Variants in UBN2 observed in about 807,000 individuals in gnomAD.
UBN2 encodes ubinuclein 2, also known as ubinuclein-2.
Under a neutral mutation model 120.2 loss-of-function variants are expected in UBN2, and 35 were observed. That is an observed-to-expected ratio of 0.29 (90% CI 0.22 to 0.39). UBN2 has a LOEUF of 0.39. Among genes scored for constraint, UBN2 ranks in the 10% least tolerant of loss-of-function variants. The pLI, the probability that UBN2 is intolerant of heterozygous loss-of-function variation, is 1.00. For missense variants in UBN2, 1,693 were observed against 1,663.2 expected (o/e 1.02, Z -0.31); for synonymous variants, 661 against 648.7 (o/e 1.02, Z -0.29).
intron 3 of UBN2, among the ~76,000 whole-genome samples, chr7:139,257,987 TG>T (rs1468265895): frequency 6.6e-6 from 1 of 152,158 alleles, no homozygotes; most frequent in Non-Finnish European, 1.5e-5. Context: ...TTGGCCAGGC[TG>T]GTCTCGAACT....
chr7:139,272,173 G>A, intron 8 of UBN2, 149 bp from the exon 9 acceptor site: 1 of 593,582 alleles, frequency 1.7e-6, no homozygotes, highest in Non-Finnish European at 2.9e-6. Flanking sequence ...GGAAAAGTCA[G>A]TGCTGTAGAA....
the UBN2 span, among the ~76,000 whole-genome samples, chr7:139,314,417 C>T: frequency 5.3e-5 from 8 of 151,422 alleles, no homozygotes; most frequent in African/African-American, 1.9e-4. Flanking sequence ...TGCTATCGTG[C>T]CACTGTACTC....
the UBN2 span, among the ~76,000 whole-genome samples, chr7:139,316,111 G>GAT: frequency 1.1e-5 from 1 of 92,542 alleles, no homozygotes; most frequent in South Asian, 3.4e-4. Context: ...AAAAAAAGGG[G>GAT]TTCCAGTTCT....
intron 15 of UBN2, among the ~76,000 whole-genome samples, chr7:139,285,386 C>T (rs1373849676): frequency 1.3e-5 from 2 of 152,148 alleles, no homozygotes; most frequent in African/African-American, 2.4e-5. Context: ...AGCTCATGTA[C>T]ACCTGATAAT....
chr7:139,294,025 T>C (rs1272153359), intron 17 of UBN2, 44 bp downstream of exon 17: 1 of 1,567,172 alleles, frequency 6.4e-7, no homozygotes. Context: ...TTGTATAGGC[T>C]TATAGATATG....
At chr7:139,232,088 C>A in intron 1 of UBN2, 136 bp downstream of exon 1, 1 of 776,432 alleles carries the variant, frequency 1.3e-6, no homozygotes, top group Non-Finnish European at 1.9e-6. Context: ...GGGGCCGGGG[C>A]CGAGCGGGTG....
chr7:139,238,080 C>T (rs1212347275), intron 2 of UBN2, among the ~76,000 whole-genome samples: 1 of 152,170 alleles, frequency 6.6e-6, no homozygotes, highest in Admixed American at 6.5e-5. Context: ...ACTCCTCACC[C>T]CACATTTACA....
At chr7:139,278,560 A>C (rs1431148664) in intron 12 of UBN2, among the ~76,000 whole-genome samples, 1 of 151,968 alleles carries the variant, frequency 6.6e-6, no homozygotes, top group Non-Finnish European at 1.5e-5. Context: ...TTTGTACCAG[A>C]AAGTAGGAAT....
chr7:139,258,213 G>A (rs1051055037), intron 3 of UBN2, among the ~76,000 whole-genome samples: 2 of 152,146 alleles, frequency 1.3e-5, no homozygotes, highest in Non-Finnish European at 2.9e-5. Flanking sequence ...GAAGAAAAAG[G>A]AATAGTAGCA....
At position 139,272,414 on chromosome 7, in the gene UBN2, G is replaced by A. The variant is rs1446803162; in HGVS notation, c.1689G>A (p.Gln563=). 3 of 1,613,216 alleles carry A rather than the reference G, an allele frequency of 1.9e-6. No individual in the cohort carries two copies. Among genetic ancestry groups the A allele is most frequent in the African/African-American group, 2.7e-5 (2 of 74,838 alleles). ...EQLFKYQEDC[Q]ARSQAKCAKL... Reference sequence around the variant, plus strand: ...TATTTAAATACCAGGAGGACTGCCAGGCTCGTAGTCAAGCTAAGTGTGCCA... The same window carrying A: ...TATTTAAATACCAGGAGGACTGCCAAGCTCGTAGTCAAGCTAAGTGTGCCA... The change falls in exon 9 of 18, where the codon CAG becomes CAA. Residue 563 remains glutamine (Q), a synonymous_variant. Transcript: ENST00000473989.
intron 17 of UBN2, among the ~76,000 whole-genome samples, chr7:139,294,495 A>C (rs1168058171): frequency 6.6e-6 from 1 of 152,222 alleles, no homozygotes; most frequent in Non-Finnish European, 1.5e-5. Flanking sequence ...GTCTGACTCC[A>C]TGGCCTGTAT....
intron 2 of UBN2, among the ~76,000 whole-genome samples, chr7:139,244,364 C>G (rs1439486306): frequency 9.2e-5 from 14 of 152,068 alleles, no homozygotes; most frequent in Non-Finnish European, 2.9e-5. Flanking sequence ...CTTTCTTACA[C>G]TATAAAAAAA....
chr7:139,232,311 T>A (rs1796047652), intron 1 of UBN2, among the ~76,000 whole-genome samples: 1 of 152,238 alleles, frequency 6.6e-6, no homozygotes. Context: ...GGGTTCTCCC[T>A]GTGGCGCTAC....
intron 15 of UBN2, among the ~76,000 whole-genome samples, chr7:139,292,908 A>G (rs1425131093): frequency 6.6e-6 from 1 of 152,208 alleles, no homozygotes; most frequent in Non-Finnish European, 1.5e-5. Context: ...GACAAATAGT[A>G]AAGTGAGTAT....
rs964266246 is a variant in UBN2, at chr7:139,249,867, TA to T, written c.562-2077del. Among the ~76,000 whole-genome samples the T allele has an allele frequency of 8.0e-3, 1,168 of 146,622 alleles. 16 individuals carry two copies. Among genetic ancestry groups the T allele is most frequent in the African/African-American group, 0.027 (1,084 of 40,212 alleles). Reference sequence around the variant, plus strand: ...CAACATGCCACCATGCCTGGCTAATTAAAAAAAAAAAATTTGTTGAGACAGG... The same window carrying T: ...CAACATGCCACCATGCCTGGCTAATTAAAAAAAAAAATTTGTTGAGACAGG... On this transcript the variant is annotated intron_variant, in intron 2 of 17. Coordinates refer to ENST00000473989, the MANE Select transcript of UBN2 (RefSeq NM_173569.4).
In UBN2 at chr7:139,298,081, G is replaced by GT. The variant is rs1798161056; in HGVS notation, c.*246dup. 9.3e-6 allele frequency: 4 copies of GT among 428,558 alleles called. No individual in the cohort carries two copies. The Admixed American group carries it at 1.5e-4, about 16-fold the overall frequency. 26.5% of individuals were successfully genotyped at this position (428,558 alleles called of 1,614,324 possible). A position where few individuals can be genotyped will look rare whatever the true frequency, so the allele number is the denominator to read the frequency against. ...TCTTCTAAAGAATGACAGAGTTACC[G>GT]TATTAACAGACTTGAAAGAGACTCA... On this transcript the variant is annotated 3_prime_UTR_variant, in exon 18 of 18. Transcript: ENST00000473989.
At position 139,231,896 on chromosome 7, in the gene UBN2, G is replaced by A. The variant is rs750704192; in HGVS notation, c.412G>A (p.Asp138Asn). ...GGAGCTGGTGCTTAAGGACCCCACCGACGAGAGCTGCGTGGAGTTCAGTTA... is the reference window on the plus strand; with the variant it reads ...GGAGCTGGTGCTTAAGGACCCCACCAACGAGAGCTGCGTGGAGTTCAGTTA... ...RLELVLKDPTDESCVEFSYPE... is the reference protein window; with the variant it reads ...RLELVLKDPTNESCVEFSYPE... The change falls in exon 1 of 18, where the codon GAC (aspartate) becomes AAC (asparagine). Residue 138 changes from aspartate (D) to asparagine (N), a missense_variant. Transcript: ENST00000473989. 2.5e-6 allele frequency: 4 copies of A among 1,587,526 alleles called. No homozygotes were observed. The highest frequency in any genetic ancestry group is 1.1e-5 in the South Asian group (1 of 90,714).
intron 11 of UBN2, among the ~76,000 whole-genome samples, chr7:139,274,852 C>T (rs1585015038): frequency 1.3e-5 from 2 of 151,880 alleles, no homozygotes; most frequent in Middle Eastern, 6.9e-3. Flanking sequence ...CTTTGGAAGG[C>T]CAAGGTGGGA....
chr7:139,280,245 A>G (rs1433154065), intron 13 of UBN2, among the ~76,000 whole-genome samples: 1 of 152,236 alleles, frequency 6.6e-6, no homozygotes, highest in Non-Finnish European at 1.5e-5. Context: ...AACAGCAGTT[A>G]GATCCCTAAG....
Sources: allele counts gnomAD v4.1 joint callset (sites outside exome capture counted in the v4.1 genomes callset), GRCh38; gene constraint gnomAD v4.1.1; transcripts MANE v1.5; gene names NCBI Gene and HGNC (gene_info 2026-07-23, HGNC 2026-07-21).